Variants in EVC2 observed in about 807,000 individuals in gnomAD.
The protein encoded by EVC2 is limbin.
EVC2 carries 148 observed loss-of-function variants against 149.3 expected under a neutral mutation model. The observed-to-expected ratio is 0.99, with a 90% CI of 0.87 to 1.14. The LOEUF (loss-of-function observed/expected upper bound fraction) is 1.14, where lower values mean the gene tolerates loss of function less well. Ranked by LOEUF, EVC2 falls within the 50% of genes most tolerant of loss-of-function variation. EVC2 has a pLI of 0.00. For synonymous variants in EVC2, 776 were observed against 649.9 expected, an observed-to-expected ratio of 1.19 and a Z score of -2.95; for missense variants, 1,854 against 1,627.3, an observed-to-expected ratio of 1.14 and a Z score of -2.40.
Position 5,640,792 on chromosome 4 carries a change from A to G in EVC2, c.1192T>C (p.Cys398Arg), listed in dbSNP as rs1173102415. The G allele has an allele frequency of 6.2e-7, 1 of 1,614,200 alleles. No individual in the cohort carries two copies. Among genetic ancestry groups the G allele is most frequent in the Admixed American group, 1.7e-5 (1 of 60,022 alleles). The change falls in exon 10 of 22, where the codon TGT becomes CGT. Residue 398 changes from cysteine (C) to arginine (R), a missense_variant. Transcript: ENST00000344408. The surrounding 1 kb of genome is among the most constrained non-coding windows in gnomAD (Gnocchi z 4.6). ...ATATCCTTGCTGATTTGTGTTCGAC[A>G]AGCCTCCAGATCTGCATCTGCCCGA... is the stretch of plus-strand genomic sequence containing the variant. ...LNRADADLEA[C>R]RTQISKDIIA...
At chr4:5,545,690 C>G (rs1721601592) in intron 21 of EVC2, among the ~76,000 whole-genome samples, 2 of 152,146 alleles carry the variant, frequency 1.3e-5, no homozygotes, top group South Asian at 4.2e-4. Context: ...AATGACCTTT[C>G]TTATCATCCC....
At chr4:5,555,053 T>C (rs1721809704) in intron 21 of EVC2, among the ~76,000 whole-genome samples, 1 of 27,690 alleles carries the variant, frequency 3.6e-5, no homozygotes, top group African/African-American at 1.2e-4. Flanking sequence ...TCTCTGCACA[T>C]GCATGTGTGT....
intron 16 of EVC2, among the ~76,000 whole-genome samples, chr4:5,593,852 G>C (rs1008103867): frequency 6.6e-6 from 1 of 152,142 alleles, no homozygotes; most frequent in Non-Finnish European, 1.5e-5. Context: ...CTGGAAAATT[G>C]GGTCACTCCC....
chr4:5,568,708 A>G lies in EVC2; in HGVS notation c.3361-68T>C, dbSNP rs1404046278. 1.3e-5 allele frequency: 20 copies of G among 1,486,044 alleles called. No individual in the cohort carries two copies. The East Asian group carries it at 4.6e-4, about 34-fold the overall frequency. The allele number at this position is 1,486,044 out of a possible 1,614,324, so 92.1% of individuals were successfully genotyped here. ...CAACTTGAACCATCATTTTTAATTT[A>G]TCACATTCTGAGGACATTCTGTCCT... On this transcript the variant is annotated intron_variant, in intron 19 of 21. Coordinates refer to ENST00000344408, the MANE Select transcript of EVC2 (RefSeq NM_147127.5).
intron 1 of EVC2, among the ~76,000 whole-genome samples, chr4:5,706,543 A>C (rs759234838): frequency 6.6e-6 from 1 of 151,890 alleles, no homozygotes; most frequent in East Asian, 1.9e-4. Flanking sequence ...ATATAATTAC[A>C]ATAGGAAGAA....
chr4:5,635,434 G>A (rs1278777657), intron 10 of EVC2, among the ~76,000 whole-genome samples: 4 of 152,098 alleles, frequency 2.6e-5, no homozygotes, highest in Non-Finnish European at 5.9e-5. Context: ...GCATCCTATG[G>A]CTTCCAACAC....
In EVC2 at chr4:5,574,776, G is replaced by A; in HGVS notation, c.3273-4C>T. ...GTTCTGTTGTTCCTCTCTCAAACTG[G>A]AGTGAAAATAAAATATACGTAAGTT... On this transcript the variant is annotated splice_region_variant and splice_polypyrimidine_tract_variant and intron_variant, in intron 18 of 21. Coordinates refer to ENST00000344408, the MANE Select transcript of EVC2 (RefSeq NM_147127.5). 2 of 1,614,024 alleles carry A rather than the reference G, an allele frequency of 1.2e-6. No individual in the cohort carries two copies. Among genetic ancestry groups the A allele is most frequent in the East Asian group, 2.2e-5 (1 of 44,888 alleles).
At chr4:5,650,215 C>T (rs933158181) in intron 9 of EVC2, among the ~76,000 whole-genome samples, 4 of 152,090 alleles carry the variant, frequency 2.6e-5, no homozygotes, top group African/African-American at 9.7e-5. Context: ...CATATTACTG[C>T]CCACTCCCTA....
chr4:5,691,263 A>C lies in EVC2; in HGVS notation c.519+2T>G. ...AAATATACACCACCAGTGGAAACTTACCAGTGCACATTTCTGAAAAATTAC... is the reference window on the plus strand; with the variant it reads ...AAATATACACCACCAGTGGAAACTTCCCAGTGCACATTTCTGAAAAATTAC... On this transcript the variant is annotated splice_donor_variant, in intron 4 of 21. Coordinates refer to ENST00000344408, the MANE Select transcript of EVC2 (RefSeq NM_147127.5). LOFTEE classifies it high-confidence loss of function. 2 of 1,612,974 alleles carry C rather than the reference A, an allele frequency of 1.2e-6. No individual in the cohort carries two copies. Among genetic ancestry groups the C allele is most frequent in the Non-Finnish European group, 1.7e-6 (2 of 1,179,030 alleles).
In EVC2 at chr4:5,670,870, A is replaced by G. The variant is rs1719606826; in HGVS notation, c.871-5221T>C. Among the ~76,000 whole-genome samples, 1 of 152,020 alleles carries G rather than the reference A, an allele frequency of 6.6e-6. No homozygotes were observed. The highest frequency in any genetic ancestry group is 1.5e-5 in the Non-Finnish European group (1 of 67,986). On this transcript the variant is annotated intron_variant, in intron 7 of 21. Transcript: ENST00000344408. The surrounding 1 kb of genome is among the most constrained non-coding windows in gnomAD (Gnocchi z 5.2). ...TATCCCCATCACCACCATCATTATC[A>G]ACATCATCAATATCCCCATCACCAT...
In EVC2 at chr4:5,636,190, G is replaced by A. The variant is rs1054464480; in HGVS notation, c.1471-4158C>T. On this transcript the variant is annotated intron_variant, in intron 10 of 21. Transcript: ENST00000344408. This position sits in a 1 kb window ranked among gnomAD's most constrained non-coding sequence, Gnocchi z 4.6. ...AACGTGCCTACTGGAGGAAAAGAGG[G>A]AGGAAATAAACCCCAGCAACCTGCC... Among the ~76,000 whole-genome samples the A allele has an allele frequency of 1.3e-5, 2 of 152,130 alleles. No homozygotes were observed. Among genetic ancestry groups the A allele is most frequent in the African/African-American group, 4.8e-5 (2 of 41,424 alleles).
intron 9 of EVC2, among the ~76,000 whole-genome samples, chr4:5,648,878 T>G (rs1175983059): frequency 6.6e-6 from 1 of 152,180 alleles, no homozygotes; most frequent in Non-Finnish European, 1.5e-5. Flanking sequence ...ACCATGCCAC[T>G]AATGAAGCCA....
At chr4:5,617,902 C>G (rs978549736) in intron 15 of EVC2, among the ~76,000 whole-genome samples, 4 of 152,146 alleles carry the variant, frequency 2.6e-5, no homozygotes, top group Non-Finnish European at 5.9e-5. Flanking sequence ...AGGCTGTGGT[C>G]TCAGGTAAAG....
At chr4:5,662,480 A>T (rs551302220) in intron 9 of EVC2, among the ~76,000 whole-genome samples, 1 of 106,306 alleles carries the variant, frequency 9.4e-6, no homozygotes, top group Admixed American at 8.8e-5. Context: ...ATATAATATT[A>T]AATATAATAT....
chr4:5,608,447 G>A (rs751910), intron 16 of EVC2, among the ~76,000 whole-genome samples: 2,119 of 152,326 alleles, frequency 0.014, 25 homozygotes, highest in Non-Finnish European at 0.021. Context: ...ACTGAACTGG[G>A]CTAAGAGGTG....
chr4:5,559,766 A>T (rs1721905086), downstream of EVC2, among the ~76,000 whole-genome samples: 1 of 152,232 alleles, frequency 6.6e-6, no homozygotes. This position sits in a 1 kb window ranked among gnomAD's most constrained non-coding sequence, Gnocchi z 5.0. Flanking sequence ...ATAAATATCC[A>T]TGAGTCTATA....
rs180723078 is a variant in EVC2, at chr4:5,633,610, G to C, written c.1471-1578C>G. Among the ~76,000 whole-genome samples, 6 of 152,346 alleles carry C rather than the reference G, an allele frequency of 3.9e-5. No individual in the cohort carries two copies. Among genetic ancestry groups the C allele is most frequent in the Admixed American group, 3.9e-4 (6 of 15,298 alleles). On this transcript the variant is annotated intron_variant, in intron 10 of 21. Transcript: ENST00000344408. The surrounding 1 kb of genome is among the most constrained non-coding windows in gnomAD (Gnocchi z 4.4). The stretch of plus-strand genomic sequence containing the variant: ...GGCAGGGAAAGGCTTACGCGTGCAG[G>C]ATGCGTGGGTACAGCCATCCCAAAT...
In EVC2 at chr4:5,633,568, C is replaced by T. The variant is rs1043811587; in HGVS notation, c.1471-1536G>A. On this transcript the variant is annotated intron_variant, in intron 10 of 21. Transcript: ENST00000344408. The surrounding 1 kb of genome is among the most constrained non-coding windows in gnomAD (Gnocchi z 4.4). ...ACCACTCAAGGCAGTGACAGTGGAG[C>T]TTGTTGGTGAAGCGAAGGCAGGGAA... Among the ~76,000 whole-genome samples, 1 of 152,328 alleles carries T rather than the reference C, an allele frequency of 6.6e-6. No homozygotes were observed. Among genetic ancestry groups the T allele is most frequent in the Non-Finnish European group, 1.5e-5 (1 of 68,028 alleles).
In EVC2 at chr4:5,563,339, A is replaced by G. The variant is rs78749463; in HGVS notation, c.3660-224T>C. ...ACTCTTCCTGGCTCATGACCATTCCATTTTCAGGAGTTTTTTGTTTTGTTT... is the reference window on the plus strand; with the variant it reads ...ACTCTTCCTGGCTCATGACCATTCCGTTTTCAGGAGTTTTTTGTTTTGTTT... On this transcript the variant is annotated intron_variant, in intron 21 of 21. Transcript: ENST00000344408. Among the ~76,000 whole-genome samples, 794 of 152,030 alleles carry G rather than the reference A, an allele frequency of 5.2e-3. 10 individuals carry two copies. The highest frequency in any genetic ancestry group is 0.018 in the African/African-American group (748 of 41,460).
Sources: gnomAD v4.1 joint callset for allele counts (sites outside exome capture counted in the v4.1 genomes callset) on GRCh38, gnomAD v4.1.1 for gene constraint, Gnocchi (gnomAD v3.1) non-coding constraint, MANE v1.5 for transcripts, NCBI Gene and HGNC (gene_info 2026-07-23, HGNC 2026-07-21) for gene names.